The following SLC25A48 variants were observed in gnomAD, a reference collection of about 807,000 sequenced individuals.
The protein encoded by SLC25A48 is CTC-321K16.1.
In SLC25A48, 29 loss-of-function variants were observed where a neutral mutation model predicts 32.2. The ratio of observed to expected loss-of-function variants is 0.90; its 90% confidence interval spans 0.67 to 1.23. The LOEUF (loss-of-function observed/expected upper bound fraction) is 1.23, where lower values mean the gene tolerates loss of function less well. Among genes scored for constraint, SLC25A48 ranks in the 50% most tolerant of loss-of-function variants. SLC25A48 has a pLI of 0.00. For synonymous variants in SLC25A48, 164 were observed against 172.3 expected (o/e 0.95, Z 0.38); for missense variants, 399 against 422.7 (o/e 0.94, Z 0.49).
chr5:135,818,016 C>T (rs1757770406), intron 4 of SLC25A48, among the ~76,000 whole-genome samples: 1 of 146,522 alleles, frequency 6.8e-6, no homozygotes, highest in Non-Finnish European at 1.5e-5. Flanking sequence ...GACAGTGATC[C>T]ATGCAGGGGA....
At chr5:135,607,754 C>G in intron 1 of SLC25A48, among the ~76,000 whole-genome samples, 1 of 151,942 alleles carries the variant, frequency 6.6e-6, no homozygotes, top group East Asian at 1.9e-4. Context: ...CTAGTGGAAG[C>G]TCATCTTGGT....
chr5:135,884,906 T>C (rs1464107436), intron 7 of SLC25A48, among the ~76,000 whole-genome samples: 1 of 152,124 alleles, frequency 6.6e-6, no homozygotes, highest in Non-Finnish European at 1.5e-5. Flanking sequence ...TTAATCATCA[T>C]GGCACCTCTT....
intron 3 of SLC25A48, among the ~76,000 whole-genome samples, chr5:135,760,827 A>G (rs1257586075): frequency 2.0e-5 from 3 of 152,188 alleles, no homozygotes; most frequent in Non-Finnish European, 2.9e-5. Flanking sequence ...TATGATCTCT[A>G]CTTCCATGTG....
chr5:135,749,887 G>A (rs1285054195), intron 3 of SLC25A48, among the ~76,000 whole-genome samples: 2 of 151,972 alleles, frequency 1.3e-5, no homozygotes, highest in Non-Finnish European at 2.9e-5. Context: ...CCACCTCGCC[G>A]GCCAGGACCG....
chr5:135,791,014 T>C (rs773726640), intron 3 of SLC25A48, among the ~76,000 whole-genome samples: 1 of 151,450 alleles, frequency 6.6e-6, no homozygotes, highest in Non-Finnish European at 1.5e-5. Flanking sequence ...TTACTTCTAA[T>C]GTCACAGTGT....
At chr5:135,765,459 G>A (rs1208391312) in intron 3 of SLC25A48, among the ~76,000 whole-genome samples, 1 of 151,718 alleles carries the variant, frequency 6.6e-6, no homozygotes, top group South Asian at 2.1e-4. Flanking sequence ...ATCGCAGGGC[G>A]TGTACACCCC....
At chr5:135,638,846 A>G (rs1039714522) in intron 3 of SLC25A48, among the ~76,000 whole-genome samples, 9 of 152,222 alleles carry the variant, frequency 5.9e-5, no homozygotes, top group African/African-American at 1.4e-4. Flanking sequence ...TATAAGCACT[A>G]TATGAACCTT....
At chr5:135,689,928 G>A (rs1351792486) in intron 3 of SLC25A48, among the ~76,000 whole-genome samples, 1 of 152,198 alleles carries the variant, frequency 6.6e-6, no homozygotes, top group Non-Finnish European at 1.5e-5. Context: ...TGTCCTTGAG[G>A]AGTTTGTGTC....
chr5:135,843,859 C>T (rs1196719936), intron 2 of SLC25A48, among the ~76,000 whole-genome samples: 1 of 152,168 alleles, frequency 6.6e-6, no homozygotes, highest in East Asian at 1.9e-4. Context: ...AATGGGATTG[C>T]AGAGTGTGCT....
intron 2 of SLC25A48, among the ~76,000 whole-genome samples, chr5:135,844,322 G>A (rs1292467391): frequency 6.6e-6 from 1 of 152,206 alleles, no homozygotes; most frequent in Non-Finnish European, 1.5e-5. Flanking sequence ...GGGAGACTTG[G>A]AAGACTCAGA....
chr5:135,729,958 C>T (rs749978784), intron 3 of SLC25A48, among the ~76,000 whole-genome samples: 2 of 152,158 alleles, frequency 1.3e-5, no homozygotes, highest in African/African-American at 2.4e-5. Flanking sequence ...TCCTGTCTCA[C>T]GTGCTCAGAG....
chr5:135,722,248 A>G (rs1297598275), intron 3 of SLC25A48, among the ~76,000 whole-genome samples: 3 of 152,260 alleles, frequency 2.0e-5, no homozygotes, highest in South Asian at 2.1e-4. Context: ...TGCTTGCTCT[A>G]TCTGAAAGCA....
chr5:135,600,843 C>T (rs59660231), intron 1 of SLC25A48, among the ~76,000 whole-genome samples: 10,376 of 128,838 alleles, frequency 0.081, 375 homozygotes, highest in South Asian at 0.17. Context: ...CCACCATGCC[C>T]GGGTATTTTT....
At chr5:135,776,196 G>T (rs773214633) in intron 3 of SLC25A48, among the ~76,000 whole-genome samples, 2 of 149,096 alleles carry the variant, frequency 1.3e-5, no homozygotes, top group African/African-American at 2.4e-5. Context: ...ATATCCAAGC[G>T]AGTGATGATG....
At chr5:135,593,921 G>T (rs1016430745) in intron 1 of SLC25A48, among the ~76,000 whole-genome samples, 7 of 152,208 alleles carry the variant, frequency 4.6e-5, no homozygotes, top group Admixed American at 2.6e-4. Context: ...TCTGGGACCA[G>T]CCCCCCTGGT....
chr5:135,653,211 G>T (rs921468338), intron 3 of SLC25A48, among the ~76,000 whole-genome samples: 4 of 152,140 alleles, frequency 2.6e-5, no homozygotes, highest in Admixed American at 6.5e-5. Flanking sequence ...TGTTATAACT[G>T]CATAAACAGA....
intron 3 of SLC25A48, among the ~76,000 whole-genome samples, chr5:135,705,994 G>A (rs1754499037): frequency 6.6e-6 from 1 of 152,212 alleles, no homozygotes; most frequent in Non-Finnish European, 1.5e-5. Flanking sequence ...TCTCTCACCT[G>A]TAACTGCTTT....
At chr5:135,605,472 C>T (rs1223782246) in intron 1 of SLC25A48, among the ~76,000 whole-genome samples, 1 of 152,190 alleles carries the variant, frequency 6.6e-6, no homozygotes, top group African/African-American at 2.4e-5. Flanking sequence ...TGTGGTCTGC[C>T]TTTTCCAGGG....
chr5:135,887,407 T>TGGGTCCTCTTTGAGCGA (rs1762771727), intron 7 of SLC25A48, among the ~76,000 whole-genome samples: 1 of 152,140 alleles, frequency 6.6e-6, no homozygotes, highest in African/African-American at 2.4e-5. Flanking sequence ...TTTGACCTCG[T>TGGGTCCTCTTTGAGCGA]GGGTCCTCTT....
Sources: allele counts gnomAD v4.1 joint callset (sites outside exome capture counted in the v4.1 genomes callset), GRCh38; gene constraint gnomAD v4.1.1; transcripts MANE v1.5; gene names NCBI Gene and HGNC (gene_info 2026-07-23, HGNC 2026-07-21).